The following CSMD3 variants were observed in gnomAD, a reference collection of about 807,000 sequenced individuals.
CSMD3 encodes the protein CUB and Sushi multiple domains 3.
A neutral mutation model predicts 435.2 loss-of-function variants in CSMD3; 177 were observed. The observed-to-expected ratio is 0.41, with a 90% CI of 0.36 to 0.46. CSMD3 has a LOEUF of 0.46. Ranked by LOEUF, CSMD3 falls within the 20% of genes least tolerant of loss-of-function variation. The pLI, the probability that CSMD3 is intolerant of heterozygous loss-of-function variation, is 0.34. For missense variants in CSMD3, 4,265 were observed against 4,504.6 expected, an observed-to-expected ratio of 0.95 and a Z score of 1.52; for synonymous variants, 1,656 against 1,520.5, an observed-to-expected ratio of 1.09 and a Z score of -2.07.
intron 3 of CSMD3, among the ~76,000 whole-genome samples, chr8:113,187,076 T>C (rs576713712): frequency 1.3e-5 from 2 of 151,808 alleles, no homozygotes; most frequent in East Asian, 1.9e-4. Context: ...CTCATGAATA[T>C]GAGATTCTGT....
At chr8:112,989,955 G>A (rs1282220622) in intron 6 of CSMD3, among the ~76,000 whole-genome samples, 1 of 151,860 alleles carries the variant, frequency 6.6e-6, no homozygotes, top group Non-Finnish European at 1.5e-5. Context: ...TCTTGTTCTT[G>A]TGGTAGTGAA....
intron 35 of CSMD3, among the ~76,000 whole-genome samples, chr8:112,393,887 ATT>A (rs34762843): frequency 2.9e-4 from 43 of 149,518 alleles, no homozygotes; most frequent in African/African-American, 6.4e-4. Flanking sequence ...CTGCACTCAG[ATT>A]TTTTTTTTTT....
At chr8:113,016,554 T>A (rs752189704) in intron 6 of CSMD3, among the ~76,000 whole-genome samples, 2 of 151,878 alleles carry the variant, frequency 1.3e-5, no homozygotes, top group Non-Finnish European at 2.9e-5. Flanking sequence ...AGTAAAATAT[T>A]CAGTCTTTGG....
chr8:113,164,829 A>T (rs894738935), intron 4 of CSMD3, among the ~76,000 whole-genome samples: 1 of 152,154 alleles, frequency 6.6e-6, no homozygotes, highest in Non-Finnish European at 1.5e-5. Context: ...TGATTGCTGT[A>T]AAAATACCTA....
At chr8:112,473,703 A>AT (rs72548408) in intron 31 of CSMD3, among the ~76,000 whole-genome samples, 122,410 of 150,298 alleles carry the variant, frequency 0.81, 50,424 homozygotes, top group African/African-American at 0.93. Context: ...CCCCAGGTGT[A>AT]AGTTTGCAGG....
intron 13 of CSMD3, among the ~76,000 whole-genome samples, chr8:112,736,170 G>A (rs2077181588): frequency 6.6e-6 from 1 of 152,016 alleles, no homozygotes; most frequent in Non-Finnish European, 1.5e-5. Flanking sequence ...TTAGTTAAAT[G>A]CCAACTTCCT....
At position 112,950,482 on chromosome 8, in the gene CSMD3, T is replaced by C. The variant is rs541935808; in HGVS notation, c.1421-2605A>G. 6.0e-4 allele frequency among the ~76,000 whole-genome samples: 90 copies of C among 150,100 alleles called. 1 individual carries two copies. In the South Asian group the frequency reaches 0.018, roughly 30 times the overall value. On this transcript the variant is annotated intron_variant, in intron 8 of 70. Coordinates refer to ENST00000297405, the MANE Select transcript of CSMD3 (RefSeq NM_198123.2). The stretch of plus-strand genomic sequence containing the variant: ...GAAAATAGAAATAAGAAAAATCCCA[T>C]TTTTTACATTTCACTGTCATTTTGT...
At chr8:112,818,351 T>C (rs2079437549) in intron 12 of CSMD3, among the ~76,000 whole-genome samples, 2 of 152,114 alleles carry the variant, frequency 1.3e-5, no homozygotes. Flanking sequence ...TATTTTGATA[T>C]GAGATGGCTT....
At chr8:113,054,386 A>G (rs1302751466) in intron 5 of CSMD3, among the ~76,000 whole-genome samples, 4 of 152,192 alleles carry the variant, frequency 2.6e-5, no homozygotes, top group Non-Finnish European at 5.9e-5. Context: ...TGTTTTTCTC[A>G]TGAATATATG....
chr8:112,583,473 A>G (rs1197580723), intron 23 of CSMD3, among the ~76,000 whole-genome samples: 1 of 151,888 alleles, frequency 6.6e-6, no homozygotes. Context: ...ACATTAAAGG[A>G]TTTTTTATAA....
chr8:113,429,874 A>G (rs1361264705), intron 1 of CSMD3, among the ~76,000 whole-genome samples: 2 of 152,192 alleles, frequency 1.3e-5, no homozygotes, highest in Non-Finnish European at 1.5e-5. Context: ...TGTAAAATAC[A>G]TGAGCAGTGA....
intron 10 of CSMD3, among the ~76,000 whole-genome samples, chr8:112,879,156 G>A (rs769840815): frequency 1.4e-4 from 21 of 152,048 alleles, no homozygotes; most frequent in African/African-American, 3.1e-4. Flanking sequence ...GAGAAATGTC[G>A]CTGAATTCTT....
intron 1 of CSMD3, among the ~76,000 whole-genome samples, chr8:113,422,624 A>G (rs2094613984): frequency 6.6e-6 from 1 of 152,120 alleles, no homozygotes; most frequent in South Asian, 2.1e-4. Flanking sequence ...TGGGGTAGAA[A>G]CAAGACCCTA....
chr8:112,327,720 C>T (rs1429373065), intron 45 of CSMD3, among the ~76,000 whole-genome samples: 2 of 152,158 alleles, frequency 1.3e-5, no homozygotes, highest in African/African-American at 4.8e-5. Flanking sequence ...TACATGAGAG[C>T]ATCGTATTCC....
At chr8:113,045,518 T>G (rs1371096268) in intron 5 of CSMD3, among the ~76,000 whole-genome samples, 10 of 149,306 alleles carry the variant, frequency 6.7e-5, no homozygotes, top group African/African-American at 1.7e-4. Flanking sequence ...GTTTCTAAAT[T>G]AAAATCATTG....
intron 5 of CSMD3, among the ~76,000 whole-genome samples, chr8:113,050,029 T>A (rs1278822236): frequency 6.6e-6 from 1 of 152,126 alleles, no homozygotes; most frequent in African/African-American, 2.4e-5. Flanking sequence ...GTACAATCAG[T>A]TCTCTTTAGC....
At chr8:112,835,102 T>TA in intron 11 of CSMD3, among the ~76,000 whole-genome samples, 1 of 151,966 alleles carries the variant, frequency 6.6e-6, no homozygotes, top group African/African-American at 2.4e-5. Context: ...TGAAGTCAAT[T>TA]AAAAATAACA....
At chr8:113,151,372 G>GAAA (rs773083488) in intron 4 of CSMD3, among the ~76,000 whole-genome samples, 112 of 151,902 alleles carry the variant, frequency 7.4e-4, no homozygotes, top group Non-Finnish European at 9.1e-4. Context: ...GAAACTCTTT[G>GAAA]AGTCAATCAT....
At chr8:112,487,429 C>T (rs991002249) in intron 31 of CSMD3, among the ~76,000 whole-genome samples, 7 of 152,106 alleles carry the variant, frequency 4.6e-5, no homozygotes, top group Admixed American at 4.6e-4. Flanking sequence ...GAGGAAATAT[C>T]AAGGAGCCTG....
Sources: gnomAD v4.1 joint callset for allele counts (sites outside exome capture counted in the v4.1 genomes callset) on GRCh38, gnomAD v4.1.1 for gene constraint, MANE v1.5 for transcripts, NCBI Gene and HGNC (gene_info 2026-07-23, HGNC 2026-07-21) for gene names.